CFDP1: variants seen among roughly 807,000 people sequenced by gnomAD.
CFDP1 encodes the protein chromatin remodeling protein CFDP1, also known as heterochromatin-stabilizing protein CFDP1.
A neutral mutation model predicts 40.1 loss-of-function variants in CFDP1; 31 were observed. The observed-to-expected ratio is 0.77, with a 90% CI of 0.58 to 1.04. The LOEUF (loss-of-function observed/expected upper bound fraction) is 1.04. Among genes scored for constraint, CFDP1 ranks in the 50% least tolerant of loss-of-function variants. The probability of loss-of-function intolerance (pLI) is 0.00; values close to 1 mark genes in which losing one functional copy is unlikely to be tolerated. For synonymous variants in CFDP1, 167 were observed against 120.0 expected, an observed-to-expected ratio of 1.39 and a Z score of -2.56; for missense variants, 423 against 343.4, an observed-to-expected ratio of 1.23 and a Z score of -1.83.
chr16:75,314,495 G>A (rs1261314171), intron 5 of CFDP1, among the ~76,000 whole-genome samples: 1 of 152,162 alleles, frequency 6.6e-6, no homozygotes, highest in Non-Finnish European at 1.5e-5. Context: ...GGGGGTGGTA[G>A]TTGCTGACAG....
At position 75,293,890 on chromosome 16, in the gene CFDP1, C is replaced by A; in HGVS notation, c.*62G>T. 1 of 1,359,690 alleles carries A rather than the reference C, an allele frequency of 7.4e-7. No individual in the cohort carries two copies. Among genetic ancestry groups the A allele is most frequent in the Non-Finnish European group, 1.0e-6 (1 of 954,832 alleles). 84.2% of individuals were successfully genotyped at this position (1,359,690 alleles called of 1,614,324 possible). ...ATGAGAAACACTGTAAAACATTTCA[C>A]AGACGCACAAAAAGCTCACATTGTA... On this transcript the variant is annotated 3_prime_UTR_variant, in exon 7 of 7. Transcript: ENST00000283882.
intron 5 of CFDP1, among the ~76,000 whole-genome samples, chr16:75,338,222 T>G (rs1428400223): frequency 6.6e-6 from 1 of 152,106 alleles, no homozygotes; most frequent in Non-Finnish European, 1.5e-5. Context: ...CTCTCACTCT[T>G]GGGGAATGTG....
chr16:75,385,779 G>GT (rs2078892438), intron 5 of CFDP1, among the ~76,000 whole-genome samples: 1 of 152,120 alleles, frequency 6.6e-6, no homozygotes, highest in Non-Finnish European at 1.5e-5. Context: ...ATAAATTACT[G>GT]TTTTAAAGTT....
intron 1 of CFDP1, among the ~76,000 whole-genome samples, chr16:75,416,695 C>A (rs1053909226): frequency 6.6e-6 from 1 of 152,186 alleles, no homozygotes; most frequent in Admixed American, 6.6e-5. Flanking sequence ...CTAGAGTGAG[C>A]CAAGATCACA....
At position 75,411,846 on chromosome 16, in the gene CFDP1, T is replaced by G. The variant is rs2079165447; in HGVS notation, c.509A>C (p.Asp170Ala). The change falls in exon 4 of 7, where the codon GAT becomes GCT. Residue 170 changes from aspartate to alanine, a missense_variant. Asp to Ala is a moderately radical substitution (Grantham distance 126). Transcript: ENST00000283882. ...TEKVKITKVF[D>A]FAGEEVRVTK... The stretch of plus-strand genomic sequence containing the variant: ...TTACCTTACTTCTTCACCAGCAAAA[T>G]CAAACACCTTGGTGATTTTAACTTT... 1.2e-6 allele frequency: 2 copies of G among 1,609,142 alleles called. No homozygotes were observed. Among genetic ancestry groups the G allele is most frequent in the Non-Finnish European group, 1.7e-6 (2 of 1,178,996 alleles).
chr16:75,365,941 T>C (rs1450286134), intron 5 of CFDP1, among the ~76,000 whole-genome samples: 1 of 152,214 alleles, frequency 6.6e-6, no homozygotes, highest in East Asian at 1.9e-4. Flanking sequence ...CTGGTAGGAA[T>C]GTAAAATGGT....
intron 6 of CFDP1, among the ~76,000 whole-genome samples, chr16:75,302,911 T>C (rs2078230745): frequency 6.6e-6 from 1 of 152,138 alleles, no homozygotes; most frequent in Admixed American, 6.5e-5. Flanking sequence ...TGTTTTTTTT[T>C]AGGGCTGGGC....
intron 4 of CFDP1, among the ~76,000 whole-genome samples, chr16:75,410,081 A>C (rs1377915218): frequency 6.7e-6 from 1 of 150,232 alleles, no homozygotes; most frequent in East Asian, 1.9e-4. Flanking sequence ...AAAAAAAAAA[A>C]AAAAACCCAA....
At chr16:75,421,288 C>G (rs922127733) in intron 1 of CFDP1, among the ~76,000 whole-genome samples, 1 of 152,186 alleles carries the variant, frequency 6.6e-6, no homozygotes. Flanking sequence ...CTGATTTACT[C>G]AAGCTTCAAA....
At chr16:75,354,937 G>T (rs750878553) in intron 5 of CFDP1, among the ~76,000 whole-genome samples, 3 of 152,146 alleles carry the variant, frequency 2.0e-5, no homozygotes, top group Non-Finnish European at 2.9e-5. Context: ...AGATATTTTG[G>T]GTTCAGTTCC....
At chr16:75,385,362 G>C (rs2078887617) in intron 5 of CFDP1, among the ~76,000 whole-genome samples, 1 of 152,068 alleles carries the variant, frequency 6.6e-6, no homozygotes, top group African/African-American at 2.4e-5. Context: ...AGGCAGAAAG[G>C]AACTTTCACT....
chr16:75,362,626 C>T (rs187118376), intron 5 of CFDP1, among the ~76,000 whole-genome samples: 1 of 152,288 alleles, frequency 6.6e-6, no homozygotes, highest in East Asian at 1.9e-4. Context: ...AAGGTACCCT[C>T]GAGAACACTA....
intron 1 of CFDP1, among the ~76,000 whole-genome samples, chr16:75,415,591 C>G (rs1239212120): frequency 6.6e-6 from 1 of 152,180 alleles, no homozygotes; most frequent in Non-Finnish European, 1.5e-5. Context: ...GTTTTGCCTG[C>G]TTTTCAACTT....
At position 75,293,904 on chromosome 16, in the gene CFDP1, G is replaced by A; in HGVS notation, c.*48C>T. 3 of 1,454,722 alleles carry A rather than the reference G, an allele frequency of 2.1e-6. No homozygotes were observed. Among genetic ancestry groups the A allele is most frequent in the South Asian group, 1.1e-5 (1 of 87,404 alleles). 90.1% of individuals were successfully genotyped at this position (1,454,722 alleles called of 1,614,324 possible). On this transcript the variant is annotated 3_prime_UTR_variant, in exon 7 of 7. Coordinates refer to ENST00000283882, the MANE Select transcript of CFDP1 (RefSeq NM_006324.3). ...AAAACATTTCACAGACGCACAAAAA[G>A]CTCACATTGTAAACAGGATTAAGCT...
intron 5 of CFDP1, among the ~76,000 whole-genome samples, chr16:75,356,112 C>A (rs778841405): frequency 2.3e-4 from 35 of 152,202 alleles, no homozygotes; most frequent in Non-Finnish European, 3.2e-4. Flanking sequence ...TTAATGGCAT[C>A]TAGGATAGTG....
chr16:75,432,873 G>A (rs1028276663), intron 1 of CFDP1, among the ~76,000 whole-genome samples: 3 of 151,310 alleles, frequency 2.0e-5, no homozygotes, highest in Non-Finnish European at 4.4e-5. Flanking sequence ...ACAACCAGGC[G>A]GAGAGCGGAC....
intron 5 of CFDP1, among the ~76,000 whole-genome samples, chr16:75,363,648 G>C (rs868480967): frequency 1.8e-4 from 28 of 152,136 alleles, no homozygotes; most frequent in African/African-American, 6.5e-4. Context: ...CACCCACCTT[G>C]GCTTCCCAAA....
chr16:75,417,546 T>C (rs2079221462), intron 1 of CFDP1, among the ~76,000 whole-genome samples: 1 of 152,186 alleles, frequency 6.6e-6, no homozygotes, highest in Non-Finnish European at 1.5e-5. Context: ...TTATATTTGT[T>C]TGTATATGGA....
chr16:75,384,283 G>T (rs1452593985), intron 5 of CFDP1, among the ~76,000 whole-genome samples: 1 of 152,130 alleles, frequency 6.6e-6, no homozygotes, highest in African/African-American at 2.4e-5. Flanking sequence ...CTTGAACCCA[G>T]GAGGTGGAGG....
Sources: allele counts gnomAD v4.1 joint callset (sites outside exome capture counted in the v4.1 genomes callset), GRCh38; gene constraint gnomAD v4.1.1; transcripts MANE v1.5; gene names NCBI Gene and HGNC (gene_info 2026-07-23, HGNC 2026-07-21).